Variants in ACOXL observed in about 807,000 individuals in gnomAD.
ACOXL encodes acyl-CoA oxidase like, also known as acyl-coenzyme A oxidase-like protein.
In ACOXL, 70 loss-of-function variants were observed where a neutral mutation model predicts 71.9. The ratio of observed to expected loss-of-function variants is 0.97; its 90% CI spans 0.80 to 1.19. The LOEUF (loss-of-function observed/expected upper bound fraction) is 1.19. Among genes scored for constraint, ACOXL ranks in the 50% most tolerant of loss-of-function variants. ACOXL has a pLI of 0.00. For synonymous variants in ACOXL, 253 were observed against 281.6 expected, an observed-to-expected ratio of 0.90 and a Z score of 1.02; for missense variants, 703 against 736.3, an observed-to-expected ratio of 0.95 and a Z score of 0.52.
At chr2:110,841,550 T>C in intron 10 of ACOXL, 145 bp downstream of exon 10, 1 of 645,972 alleles carries the variant, frequency 1.5e-6, no homozygotes, top group Non-Finnish European at 2.7e-6. Flanking sequence ...TTCTAGTTGC[T>C]TGATTGGCAA....
At chr2:110,924,313 A>T (rs2060190759) in intron 11 of ACOXL, among the ~76,000 whole-genome samples, 2 of 152,206 alleles carry the variant, frequency 1.3e-5, no homozygotes, top group South Asian at 4.1e-4. Context: ...TCTTAAGATA[A>T]CAACGAAGTT....
intron 13 of ACOXL, among the ~76,000 whole-genome samples, chr2:110,988,422 A>C (rs1036780909): frequency 6.6e-6 from 1 of 152,166 alleles, no homozygotes; most frequent in Non-Finnish European, 1.5e-5. Context: ...CCTGGGCAAC[A>C]GAGTGAGACC....
chr2:110,804,486 C>T (rs1455786791), intron 8 of ACOXL, among the ~76,000 whole-genome samples: 1 of 152,108 alleles, frequency 6.6e-6, no homozygotes, highest in East Asian at 1.9e-4. Context: ...AAAACGTTGT[C>T]TACAAGAGAA....
intron 1 of ACOXL, among the ~76,000 whole-genome samples, chr2:110,767,203 A>G (rs1681204568): frequency 6.6e-6 from 1 of 152,194 alleles, no homozygotes; most frequent in East Asian, 1.9e-4. Flanking sequence ...CGTTGCATGG[A>G]AACATTCTAG....
intron 9 of ACOXL, among the ~76,000 whole-genome samples, chr2:110,807,376 G>T (rs1686795057): frequency 6.6e-6 from 1 of 152,230 alleles, no homozygotes; most frequent in African/African-American, 2.4e-5. Context: ...GATGGTTGTT[G>T]TTGTTGTTTT....
At chr2:110,817,317 C>T (rs1223194644) in intron 9 of ACOXL, among the ~76,000 whole-genome samples, 2 of 152,334 alleles carry the variant, frequency 1.3e-5, no homozygotes, top group Non-Finnish European at 2.9e-5. Flanking sequence ...GGCAGCTTGG[C>T]GAGGCAATCA....
In ACOXL at chr2:111,057,916, C is replaced by T. The variant is rs549769994; in HGVS notation, c.1440+8628C>T. Reference sequence around the variant, plus strand: ...CAAATCCTGGTGTTCAGAAAAGCAGCGAGCCGCCCAGGCGTGGAGGGTGCA... The same window carrying T: ...CAAATCCTGGTGTTCAGAAAAGCAGTGAGCCGCCCAGGCGTGGAGGGTGCA... On this transcript the variant is annotated intron_variant, in intron 16 of 17. Coordinates refer to ENST00000439055, the MANE Select transcript of ACOXL (RefSeq NM_001142807.4). Among the ~76,000 whole-genome samples the T allele has an allele frequency of 1.7e-4, 26 of 152,324 alleles. 1 individual carries two copies. In the South Asian group the frequency reaches 3.5e-3, roughly 21 times the overall value.
chr2:110,940,934 T>TAAAA lies in ACOXL; in HGVS notation c.1059+7292_1059+7293insAAAA, dbSNP rs879565151. Among the ~76,000 whole-genome samples, 1,444 of 152,340 alleles carry TAAAA rather than the reference T, an allele frequency of 9.5e-3. 12 individuals carry two copies. The highest frequency in any genetic ancestry group is 0.045 in the Middle Eastern group (13 of 292). ...TTGGAATTAAATCATATTTTAGTCTTTTAACTCCTTTGTTTCTGAGTTCTA... is the reference window on the plus strand; with the variant it reads ...TTGGAATTAAATCATATTTTAGTCTTAAAATTAACTCCTTTGTTTCTGAGTTCTA... On this transcript the variant is annotated intron_variant, in intron 12 of 17. Transcript: ENST00000439055.
chr2:110,786,095 A>T (rs774667182), intron 3 of ACOXL, among the ~76,000 whole-genome samples: 7 of 152,222 alleles, frequency 4.6e-5, no homozygotes, highest in Non-Finnish European at 8.8e-5. Flanking sequence ...CAAGCCTTCC[A>T]GCAGAGAGTC....
intron 10 of ACOXL, among the ~76,000 whole-genome samples, chr2:110,898,896 G>C (rs972918603): frequency 3.9e-5 from 6 of 151,920 alleles, no homozygotes; most frequent in Non-Finnish European, 7.4e-5. Context: ...AAAGTCATAG[G>C]GTGCAAAAAT....
At chr2:110,833,860 T>C (rs1559321547) in intron 9 of ACOXL, among the ~76,000 whole-genome samples, 1 of 152,200 alleles carries the variant, frequency 6.6e-6, no homozygotes, top group Non-Finnish European at 1.5e-5. Context: ...TTTTCCTGTC[T>C]TTCTTTGAAT....
At chr2:110,860,812 A>G (rs1693856341) in intron 10 of ACOXL, among the ~76,000 whole-genome samples, 1 of 152,222 alleles carries the variant, frequency 6.6e-6, no homozygotes, top group South Asian at 2.1e-4. Flanking sequence ...AGGAAGTGGC[A>G]GCCGGGCTTA....
chr2:110,939,406 T>C (rs2060786728), intron 12 of ACOXL, among the ~76,000 whole-genome samples: 1 of 152,218 alleles, frequency 6.6e-6, no homozygotes, highest in Admixed American at 6.5e-5. Context: ...TGGGTGTGTG[T>C]ATTTGAAATT....
intron 14 of ACOXL, among the ~76,000 whole-genome samples, chr2:111,022,990 T>C (rs1464158226): frequency 6.6e-6 from 1 of 152,002 alleles, no homozygotes; most frequent in African/African-American, 2.4e-5. Flanking sequence ...GGGGAAGCAA[T>C]CATAGTGTTG....
chr2:111,031,817 A>G (rs2065285428), intron 15 of ACOXL, 103 bp downstream of exon 15: 1 of 1,176,680 alleles, frequency 8.5e-7, no homozygotes, highest in Admixed American at 1.8e-5. Flanking sequence ...ACACACAGGG[A>G]AGGGACAGTC....
chr2:110,754,653 T>G (rs1679436210), intron 1 of ACOXL, among the ~76,000 whole-genome samples: 1 of 152,270 alleles, frequency 6.6e-6, no homozygotes, highest in South Asian at 2.1e-4. Context: ...CCAAGTTGTG[T>G]GTGTCAGTGG....
intron 11 of ACOXL, among the ~76,000 whole-genome samples, chr2:110,917,350 A>T (rs547634513): frequency 2.6e-5 from 4 of 152,332 alleles, no homozygotes; most frequent in African/African-American, 9.6e-5. Flanking sequence ...ACAAAATTCA[A>T]CACCCCTACA....
chr2:110,752,447 T>A (rs933689787), intron 1 of ACOXL, among the ~76,000 whole-genome samples: 1 of 151,930 alleles, frequency 6.6e-6, no homozygotes, highest in Non-Finnish European at 1.5e-5. Context: ...AATGAGACCC[T>A]GTCTCAAAAT....
intron 5 of ACOXL, chr2:110,796,076 T>C (rs1274362308): frequency 6.6e-6 from 1 of 152,022 alleles, no homozygotes; most frequent in Non-Finnish European, 1.5e-5. Context: ...AGCAGGAATG[T>C]ATTTCTCCCT....
Sources: gnomAD v4.1 joint callset for allele counts (sites outside exome capture counted in the v4.1 genomes callset) on GRCh38, gnomAD v4.1.1 for gene constraint, MANE v1.5 for transcripts, NCBI Gene and HGNC (gene_info 2026-07-23, HGNC 2026-07-21) for gene names.